XRCC6: variants seen among roughly 807,000 people sequenced by gnomAD.
The protein encoded by XRCC6 is X-ray repair cross complementing 6, also known as DNA repair protein Ku70.
In XRCC6, 5 loss-of-function variants were observed where a neutral mutation model predicts 65.7. The observed-to-expected ratio is 0.08, with a 90% CI of 0.04 to 0.16. The LOEUF (loss-of-function observed/expected upper bound fraction) is 0.16. XRCC6 is among the 10% of genes least tolerant of loss of function. The pLI is 1.00. For missense variants in XRCC6, 447 were observed against 738.1 expected (o/e 0.61, Z 4.57); for synonymous variants, 270 against 270.6 (o/e 1.00, Z 0.02).
intron 6 of XRCC6, among the ~76,000 whole-genome samples, chr22:41,638,884 A>G (rs888997805): frequency 2.0e-5 from 3 of 151,854 alleles, no homozygotes; most frequent in African/African-American, 7.3e-5. Flanking sequence ...GCTCTGAGTG[A>G]GTAGTGAGTG....
intron 12 of XRCC6, 148 bp downstream of exon 12, chr22:41,661,592 G>A (rs2068100126): frequency 1.5e-6 from 1 of 675,732 alleles, no homozygotes; most frequent in Non-Finnish European, 2.4e-6. Flanking sequence ...AACAAATGCT[G>A]GCAAAGATGT....
At chr22:41,631,864 G>A (rs2067757125) in intron 3 of XRCC6, among the ~76,000 whole-genome samples, 3 of 152,150 alleles carry the variant, frequency 2.0e-5, no homozygotes, top group South Asian at 2.1e-4. Flanking sequence ...ACCAGACACC[G>A]TCTGCAATCC....
At chr22:41,642,965 C>T (rs1303130824) in intron 6 of XRCC6, among the ~76,000 whole-genome samples, 2 of 152,216 alleles carry the variant, frequency 1.3e-5, no homozygotes, top group African/African-American at 4.8e-5. Context: ...CTATTTGTGG[C>T]TCTGCTCAAA....
rs553484722 is a variant in XRCC6 at position 41,629,345 on chromosome 22, C to T, written c.195+1115C>T. Among the ~76,000 whole-genome samples the T allele has an allele frequency of 9.9e-5, 15 of 152,104 alleles. No individual in the cohort carries two copies. In the East Asian group the frequency reaches 1.9e-3, roughly 20 times the overall value. On this transcript the variant is annotated intron_variant, in intron 3 of 12. Coordinates refer to ENST00000360079, the MANE Select transcript of XRCC6 (RefSeq NM_001469.5). The stretch of plus-strand genomic sequence containing the variant: ...AACATTTTGAATGGCTAAACAGTGG[C>T]ATATAGATATACATTCCATGAAAAG...
At chr22:41,645,961 C>T (rs983738355) in intron 6 of XRCC6, among the ~76,000 whole-genome samples, 11 of 151,752 alleles carry the variant, frequency 7.2e-5, no homozygotes, top group Admixed American at 1.3e-4. Flanking sequence ...CCACCGCACC[C>T]GGCATGATGG....
At chr22:41,645,130 G>A (rs934082817) in intron 6 of XRCC6, among the ~76,000 whole-genome samples, 1 of 151,670 alleles carries the variant, frequency 6.6e-6, no homozygotes, top group Non-Finnish European at 1.5e-5. Flanking sequence ...GAGAAAGCCT[G>A]TCTCTACTAA....
intron 3 of XRCC6, among the ~76,000 whole-genome samples, chr22:41,631,181 G>A (rs111757608): frequency 6.6e-6 from 1 of 151,332 alleles, no homozygotes; most frequent in East Asian, 2.0e-4. Flanking sequence ...CGGCTGGCCA[G>A]GCAGAGGGGC....
rs1344187036 is a variant in XRCC6 at position 41,636,633 on chromosome 22, C to T, written c.452C>T (p.Ala151Val). The T allele has an allele frequency of 2.5e-6, 4 of 1,613,928 alleles. No homozygotes were observed. The African/African-American group carries it at 4.0e-5, about 16-fold the overall frequency. The change falls in exon 5 of 13, where the codon GCC becomes GTC. Residue 151 changes from alanine to valine, a missense_variant. Around this residue, in one of 4 missense-constraint regions of XRCC6, gnomAD observed 228 missense variants for 307.4 expected, o/e 0.74. Transcript: ENST00000360079. ...YSLSEVLWVC[A>V]NLFSDVQFKM... ...CTCAGTGAAGTGCTGTGGGTCTGTG[C>T]CAACCTCTTTAGTGATGTCCAATTC...
At chr22:41,633,919 C>G (rs577185052) in intron 3 of XRCC6, among the ~76,000 whole-genome samples, 28 of 152,106 alleles carry the variant, frequency 1.8e-4, no homozygotes, top group Admixed American at 3.3e-4. Flanking sequence ...TTCTAAAATT[C>G]TGTTTTAGTT....
chr22:41,646,804 A>G lies in XRCC6; in HGVS notation c.774-92A>G, dbSNP rs2067936577. On this transcript the variant is annotated intron_variant, in intron 6 of 12. Coordinates refer to ENST00000360079, the MANE Select transcript of XRCC6 (RefSeq NM_001469.5). ...GAGCTTGCTTAGGATTATTGGAGAG[A>G]ATAAAACAGTGAAGCTTTGGTGTTA... 4 of 1,097,034 alleles carry G rather than the reference A, an allele frequency of 3.6e-6. No individual in the cohort carries two copies. In the South Asian group the frequency reaches 6.3e-5, roughly 17 times the overall value. The allele number at this position is 1,097,034 out of a possible 1,614,324, so 68.0% of individuals were successfully genotyped here.
chr22:41,662,559 A>C (rs1601560923), intron 12 of XRCC6, among the ~76,000 whole-genome samples: 1 of 152,200 alleles, frequency 6.6e-6, no homozygotes, highest in Admixed American at 6.5e-5. Flanking sequence ...GCTGCAGAGT[A>C]GTTCATTGGA....
intron 6 of XRCC6, among the ~76,000 whole-genome samples, chr22:41,643,726 C>A (rs1275993305): frequency 4.0e-5 from 6 of 151,688 alleles, no homozygotes; most frequent in Admixed American, 1.3e-4. Context: ...GAGGCTGAGG[C>A]AGGAGAATCA....
chr22:41,622,230 G>A (rs1357238671), intron 2 of XRCC6, 144 bp downstream of exon 2: 7 of 902,988 alleles, frequency 7.8e-6, no homozygotes, highest in African/African-American at 5.0e-5. Context: ...TTTGAACTTC[G>A]CAGAGCTACC....
At chr22:41,644,108 C>T (rs993114331) in intron 6 of XRCC6, among the ~76,000 whole-genome samples, 2 of 152,166 alleles carry the variant, frequency 1.3e-5, no homozygotes, top group Non-Finnish European at 2.9e-5. Context: ...GATGGCGCCA[C>T]TGCACTCCAG....
chr22:41,659,810 G>A (rs1202093029), intron 11 of XRCC6, among the ~76,000 whole-genome samples: 1 of 151,928 alleles, frequency 6.6e-6, no homozygotes, highest in Non-Finnish European at 1.5e-5. Flanking sequence ...TCAGCCTTCC[G>A]AGTAGCTGGG....
intron 2 of XRCC6, 151 bp from the exon 3 acceptor site, chr22:41,627,967 C>CTCAA: frequency 2.0e-6 from 1 of 494,526 alleles, no homozygotes; most frequent in Non-Finnish European, 3.5e-6. Context: ...TCTGGCAAGA[C>CTCAA]TCAATTTCCT....
rs2068097044 is a variant in XRCC6, at chr22:41,661,338, G to A, written c.1530G>A (p.Lys510=). Residue 510 remains lysine (K), a synonymous_variant, in exon 12 of 13, where the codon AAG becomes AAA. Coordinates refer to ENST00000360079, the MANE Select transcript of XRCC6 (RefSeq NM_001469.5). The part of the protein sequence containing the change: ...PEQAVDLTLP[K]VEAMNKRLGS... ...TGTGTTTTGATTTTCTAGTGCCCAA[G>A]GTTGAAGCAATGAATAAAAGACTGG... is the stretch of plus-strand genomic sequence containing the variant. 6.2e-7 allele frequency: 1 copy of A among 1,613,392 alleles called. No individual in the cohort carries two copies. Among genetic ancestry groups the A allele is most frequent in the Non-Finnish European group, 8.5e-7 (1 of 1,179,854 alleles).
chr22:41,662,721 G>T (rs750337963), intron 12 of XRCC6, among the ~76,000 whole-genome samples: 1 of 152,178 alleles, frequency 6.6e-6, no homozygotes, highest in Non-Finnish European at 1.5e-5. Flanking sequence ...CTCTATCCAA[G>T]AAGGAGTGAA....
intron 6 of XRCC6, among the ~76,000 whole-genome samples, chr22:41,639,412 T>A (rs1436156947): frequency 7.2e-6 from 1 of 139,450 alleles, no homozygotes; most frequent in Non-Finnish European, 1.5e-5. Flanking sequence ...CAGCTCACCT[T>A]AGCCTCGACC....
Sources: gnomAD v4.1 joint callset for allele counts (sites outside exome capture counted in the v4.1 genomes callset) on GRCh38, gnomAD v4.1.1 for gene constraint, gnomAD v4.1.1 regional missense constraint, MANE v1.5 for transcripts, NCBI Gene and HGNC (gene_info 2026-07-23, HGNC 2026-07-21) for gene names.